USP4: variants seen among roughly 807,000 people sequenced by gnomAD.
USP4 encodes the protein ubiquitin specific peptidase 4.
USP4 carries 72 observed loss-of-function variants against 118.2 expected under a neutral mutation model. The observed-to-expected ratio is 0.61, with a 90% confidence interval of 0.50 to 0.74. The LOEUF (loss-of-function observed/expected upper bound fraction) is 0.74. Among genes scored for constraint, USP4 ranks in the 30% least tolerant of loss-of-function variants. The pLI, the probability that USP4 is intolerant of heterozygous loss-of-function variation, is 0.00. For missense variants in USP4, 1,037 were observed against 1,185.7 expected, an observed-to-expected ratio of 0.87 and a Z score of 1.84; for synonymous variants, 415 against 440.4, an observed-to-expected ratio of 0.94 and a Z score of 0.72.
intron 14 of USP4, among the ~76,000 whole-genome samples, chr3:49,294,008 C>G (rs1575604246): frequency 6.7e-6 from 1 of 149,516 alleles, no homozygotes; most frequent in South Asian, 2.1e-4. Flanking sequence ...TGGAGTCTCA[C>G]TCTGTCACCC....
At chr3:49,331,523 A>C (rs1263922298) in intron 2 of USP4, among the ~76,000 whole-genome samples, 5 of 152,126 alleles carry the variant, frequency 3.3e-5, no homozygotes, top group African/African-American at 9.7e-5. Flanking sequence ...TGGGAGGCTG[A>C]GCCATGAGAA....
chr3:49,339,314 G>A (rs1219312281), intron 1 of USP4, among the ~76,000 whole-genome samples: 3 of 152,040 alleles, frequency 2.0e-5, no homozygotes, highest in Non-Finnish European at 4.4e-5. Context: ...ACTCAGCCTG[G>A]GTCTTCTAAA....
intron 6 of USP4, among the ~76,000 whole-genome samples, chr3:49,315,291 T>A (rs927359230): frequency 1.3e-5 from 2 of 152,120 alleles, no homozygotes; most frequent in African/African-American, 4.8e-5. Flanking sequence ...GAGGTTGCAG[T>A]GAACTATGAT....
At chr3:49,321,789 T>C (rs943458818) in intron 6 of USP4, among the ~76,000 whole-genome samples, 1 of 151,944 alleles carries the variant, frequency 6.6e-6, no homozygotes, top group African/African-American at 2.4e-5. Flanking sequence ...AGGCTAGAAG[T>C]TCGAGACCAG....
chr3:49,295,714 G>GCGCGCACACA (rs149459963), intron 13 of USP4, among the ~76,000 whole-genome samples: 3 of 148,320 alleles, frequency 2.0e-5, no homozygotes, highest in African/African-American at 7.8e-5. Context: ...GCGCGCGCGC[G>GCGCGCACACA]CACACACACA....
At chr3:49,303,532 T>C (rs1011234658) in intron 9 of USP4, among the ~76,000 whole-genome samples, 3 of 150,838 alleles carry the variant, frequency 2.0e-5, no homozygotes, top group African/African-American at 4.9e-5. Context: ...AATTGAAATT[T>C]ACATTAATTA....
chr3:49,287,357 T>C (rs2047106708), intron 15 of USP4, among the ~76,000 whole-genome samples: 2 of 151,992 alleles, frequency 1.3e-5, no homozygotes, highest in Non-Finnish European at 2.9e-5. Flanking sequence ...GGGTTCACCA[T>C]GTTCACCAGG....
intron 6 of USP4, among the ~76,000 whole-genome samples, chr3:49,323,987 T>C (rs529361622): frequency 2.0e-5 from 3 of 152,110 alleles, no homozygotes; most frequent in African/African-American, 7.2e-5. Context: ...AGAATCAAGC[T>C]ATCACTTTTT....
chr3:49,283,895 A>G (rs1208268777), intron 19 of USP4, 92 bp downstream of exon 19: 11 of 1,521,872 alleles, frequency 7.2e-6, no homozygotes, highest in Non-Finnish European at 9.0e-6. Flanking sequence ...CTTACTCAGA[A>G]AAGTTTTTGG....
chr3:49,312,334 C>A (rs1464615092), intron 6 of USP4: 1 of 368,230 alleles, frequency 2.7e-6, no homozygotes, highest in South Asian at 2.0e-5. Flanking sequence ...ACTAAAAATA[C>A]AAAAATTATC....
At chr3:49,286,816 C>CTCTATCTATCTATCTATCTA (rs57920190) in intron 15 of USP4, among the ~76,000 whole-genome samples, 188 of 141,344 alleles carry the variant, frequency 1.3e-3, no homozygotes, top group East Asian at 5.7e-3. Context: ...ACTCTAGCCA[C>CTCTATCTATCTATCTATCTA]TCTATCTATC....
chr3:49,338,093 C>T (rs928979873), intron 1 of USP4, among the ~76,000 whole-genome samples: 3 of 116,894 alleles, frequency 2.6e-5, no homozygotes, highest in African/African-American at 9.6e-5. Context: ...TGCTGTTTTA[C>T]AATTAAAACA....
intron 6 of USP4, among the ~76,000 whole-genome samples, chr3:49,314,254 G>A (rs1455864382): frequency 6.6e-6 from 1 of 152,158 alleles, no homozygotes; most frequent in Non-Finnish European, 1.5e-5. Flanking sequence ...GCCTAAGCAG[G>A]TACCTGAACT....
At chr3:49,309,714 T>C (rs55677747) in intron 8 of USP4, among the ~76,000 whole-genome samples, 3,548 of 141,794 alleles carry the variant, frequency 0.025, 152 homozygotes, top group African/African-American at 0.088. Flanking sequence ...GCAACCTCCG[T>C]CTCCTGGGTT....
Position 49,292,589 on chromosome 3 carries a change from C to T in USP4, c.1893G>A (p.Val631=). 6.3e-6 allele frequency: 10 copies of T among 1,583,084 alleles called. No homozygotes were observed. The highest frequency in any genetic ancestry group is 8.6e-6 in the Non-Finnish European group (10 of 1,166,650). ...CAAACTCATCAGGTAAAGGCTGTTT[C>T]ACATAGCGGCTTCAAAAAGAGAAAA... ...QAVCDRISRY[V]KQPLPDEFGS... The change falls in exon 15 of 22, where the codon GTG becomes GTA. Residue 631 remains valine (V), a synonymous_variant. Transcript: ENST00000265560.
At chr3:49,297,445 G>A (rs1194130772) in intron 13 of USP4, among the ~76,000 whole-genome samples, 1 of 152,182 alleles carries the variant, frequency 6.6e-6, no homozygotes, top group Non-Finnish European at 1.5e-5. Context: ...ATTGGGGATG[G>A]TAGTATCATG....
chr3:49,337,611 T>A (rs1386769383), intron 1 of USP4, among the ~76,000 whole-genome samples: 1 of 151,828 alleles, frequency 6.6e-6, no homozygotes, highest in African/African-American at 2.4e-5. Context: ...TTTTTTATTT[T>A]TATTTTGTAG....
intron 15 of USP4, among the ~76,000 whole-genome samples, chr3:49,288,350 T>A (rs2047121536): frequency 6.6e-6 from 1 of 152,200 alleles, no homozygotes; most frequent in Non-Finnish European, 1.5e-5. Context: ...GCCAGGAGCC[T>A]TGGGCCAATG....
At chr3:49,295,947 CTATT>C (rs141765273) in intron 13 of USP4, among the ~76,000 whole-genome samples, 1 of 152,274 alleles carries the variant, frequency 6.6e-6, no homozygotes, top group East Asian at 1.9e-4. Context: ...ACTTCTTAGT[CTATT>C]TATTCGGTGG....
Sources: gnomAD v4.1 joint callset for allele counts (sites outside exome capture counted in the v4.1 genomes callset) on GRCh38, gnomAD v4.1.1 for gene constraint, MANE v1.5 for transcripts, NCBI Gene and HGNC (gene_info 2026-07-23, HGNC 2026-07-21) for gene names.